LRRC4C: variants seen among roughly 807,000 people sequenced by gnomAD.
LRRC4C encodes leucine-rich repeat-containing protein 4C.
Under a neutral mutation model 33.6 loss-of-function variants are expected in LRRC4C, and 5 were observed. The ratio of observed to expected loss-of-function variants is 0.15; its 90% CI spans 0.08 to 0.31. The LOEUF (loss-of-function observed/expected upper bound fraction) is 0.31. Among genes scored for constraint, LRRC4C ranks in the 10% least tolerant of loss-of-function variants. The probability of loss-of-function intolerance (pLI) is 1.00; values close to 1 mark genes in which losing one functional copy is unlikely to be tolerated. For synonymous variants in LRRC4C, 329 were observed against 302.0 expected (o/e 1.09, Z -0.93); for missense variants, 560 against 796.7 (o/e 0.70, Z 3.58).
rs190482141 is a variant in LRRC4C at position 41,161,017 on chromosome 11, G to A, written c.-495-227294C>T. Reference sequence around the variant, plus strand: ...TTTACTTTAGACATGATGTTCTTATGTGCTGTAGGTCATCTAAACAGAGCA... The same window carrying A: ...TTTACTTTAGACATGATGTTCTTATATGCTGTAGGTCATCTAAACAGAGCA... On this transcript the variant is annotated intron_variant, in intron 1 of 6. Transcript: ENST00000528697. Among the ~76,000 whole-genome samples the A allele has an allele frequency of 2.0e-5, 3 of 152,302 alleles. No homozygotes were observed. The East Asian group carries it at 5.8e-4, about 29-fold the overall frequency.
chr11:40,299,051 G>A (rs1008713920), intron 4 of LRRC4C, among the ~76,000 whole-genome samples: 4 of 152,188 alleles, frequency 2.6e-5, no homozygotes, highest in African/African-American at 7.2e-5. Flanking sequence ...TAAAACGAAA[G>A]CAAGTGGAGA....
At chr11:40,319,288 T>C (rs1945726452) in intron 4 of LRRC4C, among the ~76,000 whole-genome samples, 1 of 152,114 alleles carries the variant, frequency 6.6e-6, no homozygotes, top group South Asian at 2.1e-4. Flanking sequence ...CCCTTCATCT[T>C]TACAGTGGGC....
At chr11:40,831,127 T>G (rs1174410328) in intron 2 of LRRC4C, among the ~76,000 whole-genome samples, 1 of 152,140 alleles carries the variant, frequency 6.6e-6, no homozygotes, top group Non-Finnish European at 1.5e-5. Context: ...TTCAACAAGC[T>G]TGCAGCTGGA....
chr11:40,948,996 T>A (rs1192537677), intron 1 of LRRC4C, among the ~76,000 whole-genome samples: 1 of 151,896 alleles, frequency 6.6e-6, no homozygotes, highest in African/African-American at 2.4e-5. Context: ...AGTGTAAGAG[T>A]GTTCCTATTT....
At chr11:40,126,165 A>G (rs1469882143) in intron 6 of LRRC4C, among the ~76,000 whole-genome samples, 3 of 90,858 alleles carry the variant, frequency 3.3e-5, no homozygotes, top group African/African-American at 8.1e-5. Flanking sequence ...GAGATTTACG[A>G]AAAAAAAAAA....
intron 3 of LRRC4C, among the ~76,000 whole-genome samples, chr11:40,634,693 G>A (rs957838834): frequency 2.7e-5 from 4 of 150,784 alleles, no homozygotes; most frequent in Admixed American, 6.6e-5. Context: ...AATATAGTGC[G>A]GCCTATTTCT....
intron 2 of LRRC4C, among the ~76,000 whole-genome samples, chr11:40,782,106 G>C (rs1348157304): frequency 6.6e-6 from 1 of 152,038 alleles, no homozygotes; most frequent in African/African-American, 2.4e-5. Context: ...TACTGATTTT[G>C]CTTCCAAACA....
intron 1 of LRRC4C, among the ~76,000 whole-genome samples, chr11:41,126,242 C>A (rs1365763566): frequency 6.6e-6 from 1 of 151,574 alleles, no homozygotes; most frequent in East Asian, 1.9e-4. Context: ...TCTTTCCACC[C>A]TTCTATTTTT....
At chr11:40,277,061 T>C (rs565618833) in intron 4 of LRRC4C, among the ~76,000 whole-genome samples, 9 of 152,228 alleles carry the variant, frequency 5.9e-5, no homozygotes, top group African/African-American at 1.9e-4. Flanking sequence ...CAATTTCCTG[T>C]TCTATATACA....
chr11:40,619,003 C>G (rs1416720032), intron 3 of LRRC4C, among the ~76,000 whole-genome samples: 1 of 151,698 alleles, frequency 6.6e-6, no homozygotes, highest in Admixed American at 6.6e-5. Flanking sequence ...GATCACTGCA[C>G]TCTTTCCAAT....
intron 2 of LRRC4C, among the ~76,000 whole-genome samples, chr11:40,854,364 G>A (rs1220128745): frequency 2.6e-5 from 4 of 152,198 alleles, no homozygotes; most frequent in South Asian, 4.1e-4. Context: ...AGGGCCAGAA[G>A]TGTAGATGAG....
At chr11:41,438,064 A>ATAAATAC (rs1955495067) in intron 1 of LRRC4C, among the ~76,000 whole-genome samples, 53 of 148,664 alleles carry the variant, frequency 3.6e-4, no homozygotes, top group African/African-American at 1.2e-3. Flanking sequence ...TAAATAAATA[A>ATAAATAC]ATAAATAATA....
At chr11:40,801,641 A>G (rs1591758993) in intron 2 of LRRC4C, among the ~76,000 whole-genome samples, 3 of 152,168 alleles carry the variant, frequency 2.0e-5, no homozygotes, top group Non-Finnish European at 4.4e-5. Context: ...CTATGTTTAT[A>G]TCTAATAATT....
chr11:40,283,766 G>T (rs1266177654), intron 4 of LRRC4C, among the ~76,000 whole-genome samples: 1 of 141,058 alleles, frequency 7.1e-6, no homozygotes, highest in Admixed American at 7.7e-5. Context: ...GTGCAATGGC[G>T]TGATTTCGGC....
chr11:40,246,120 T>A (rs1052596814), intron 4 of LRRC4C, among the ~76,000 whole-genome samples: 3 of 151,746 alleles, frequency 2.0e-5, no homozygotes, highest in Non-Finnish European at 4.4e-5. Flanking sequence ...ACTACAGGTG[T>A]CCGCCACCAC....
At chr11:40,635,793 T>A (rs1031850887) in intron 3 of LRRC4C, among the ~76,000 whole-genome samples, 1 of 151,536 alleles carries the variant, frequency 6.6e-6, no homozygotes, top group African/African-American at 2.4e-5. Flanking sequence ...CCCGCCACCA[T>A]GCCCGGCTAA....
chr11:41,384,394 C>T (rs930263308), intron 1 of LRRC4C, among the ~76,000 whole-genome samples: 19 of 151,862 alleles, frequency 1.3e-4, no homozygotes, highest in African/African-American at 4.6e-4. Flanking sequence ...AGACTCAATA[C>T]TTCATACAAC....
intron 1 of LRRC4C, among the ~76,000 whole-genome samples, chr11:40,952,876 A>T (rs1441727951): frequency 3.7e-5 from 4 of 108,784 alleles, no homozygotes; most frequent in African/African-American, 1.2e-4. Flanking sequence ...ACACACACAC[A>T]CACACACACA....
chr11:40,699,019 T>C (rs1945726229), intron 2 of LRRC4C, among the ~76,000 whole-genome samples: 1 of 151,888 alleles, frequency 6.6e-6, no homozygotes, highest in Non-Finnish European at 1.5e-5. Context: ...AAAAGGCAGG[T>C]TTTCATGGAT....
Sources: allele counts gnomAD v4.1 joint callset (sites outside exome capture counted in the v4.1 genomes callset), GRCh38; gene constraint gnomAD v4.1.1; transcripts MANE v1.5; gene names NCBI Gene and HGNC (gene_info 2026-07-23, HGNC 2026-07-21).